Variants in POGZ observed in about 807,000 individuals in gnomAD.
POGZ encodes pogo transposable element with ZNF domain.
Under a neutral mutation model 134.6 loss-of-function variants are expected in POGZ, and 17 were observed. The observed-to-expected ratio is 0.13, with a 90% CI of 0.09 to 0.19. The LOEUF is 0.19. POGZ is among the 10% of genes least tolerant of loss of function. POGZ has a pLI of 1.00. For synonymous variants in POGZ, 693 were observed against 657.1 expected (o/e 1.05, Z -0.84); for missense variants, 1,306 against 1,769.7 (o/e 0.74, Z 4.70).
intron 10 of POGZ, among the ~76,000 whole-genome samples, chr1:151,421,246 T>G (rs976615596): frequency 3.3e-5 from 5 of 152,026 alleles, no homozygotes; most frequent in African/African-American, 1.2e-4. Context: ...TCATGAAGCT[T>G]GCATATTTCT....
In POGZ at chr1:151,404,847, A is replaced by G; in HGVS notation, c.4188T>C (p.Ser1396=). Residue 1396 remains serine, a synonymous_variant, in exon 19 of 19, where the codon TCT becomes TCC. Coordinates refer to ENST00000271715, the MANE Select transcript of POGZ (RefSeq NM_015100.4). ...QLFEGESETE[S]FYGFEEADLD... is the part of the protein sequence containing the mutation. ...GGTCAGCTTCTTCAAAGCCATAGAA[A>G]GACTCGGTCTCACTTTCACCCTCAA... The G allele has an allele frequency of 6.2e-7, 1 of 1,613,812 alleles. No individual in the cohort carries two copies. Among genetic ancestry groups the G allele is most frequent in the Non-Finnish European group, 8.5e-7 (1 of 1,179,840 alleles).
Position 151,456,372 on chromosome 1 carries a change from T to C in POGZ, c.-2+2780A>G, listed in dbSNP as rs576524301. Among the ~76,000 whole-genome samples the C allele has an allele frequency of 7.9e-4, 121 of 152,334 alleles. 2 individuals carry two copies. The highest frequency in any genetic ancestry group is 3.5e-3 in the Admixed American group (53 of 15,302). The stretch of plus-strand genomic sequence containing the variant: ...AATTCTAATTTTCACCCAAATTTTA[T>C]CACTGGTAATAAATACTGTCAGTTG... On this transcript the variant is annotated intron_variant, in intron 1 of 18. Coordinates refer to ENST00000271715, the MANE Select transcript of POGZ (RefSeq NM_015100.4).
chr1:151,436,996 C>T (rs1284370710), intron 3 of POGZ, among the ~76,000 whole-genome samples: 3 of 152,116 alleles, frequency 2.0e-5, no homozygotes, highest in Admixed American at 6.5e-5. Context: ...GAGTTTGAGA[C>T]CAGCCTAGCC....
chr1:151,445,763 C>G (rs1661176883), intron 1 of POGZ, among the ~76,000 whole-genome samples: 1 of 151,942 alleles, frequency 6.6e-6, no homozygotes, highest in Admixed American at 6.6e-5. Context: ...TTGATTTTGA[C>G]CTACACTCTG....
intron 7 of POGZ, chr1:151,425,428 T>C (rs1036913447): frequency 6.3e-6 from 1 of 158,586 alleles, no homozygotes; most frequent in South Asian, 1.8e-4. Context: ...TAAGAATAAT[T>C]TGTATGTGAT....
At chr1:151,413,034 C>T (rs1015311519) in intron 10 of POGZ, among the ~76,000 whole-genome samples, 12 of 151,604 alleles carry the variant, frequency 7.9e-5, no homozygotes, top group African/African-American at 2.7e-4. Context: ...GAACTCCTGA[C>T]CTCAGGTGAT....
intron 1 of POGZ, 37 bp from the exon 2 acceptor site, chr1:151,442,242 G>A: frequency 1.3e-6 from 2 of 1,591,746 alleles, no homozygotes; most frequent in Non-Finnish European, 1.7e-6. Context: ...ATGGGCCTAA[G>A]AATAGGAGAT....
chr1:151,424,148 G>A lies in POGZ; in HGVS notation c.1324C>T (p.Pro442Ser). The change falls in exon 9 of 19, where the codon CCT (proline) becomes TCT (serine). Residue 442 changes from proline (P) to serine (S), a missense_variant. Transcript: ENST00000271715. ...ACTTTGGTAGGCGGTGACAGAGCAGGAATAGGTGTAGAAGAGGGTGTGGAA... is the reference window on the plus strand; with the variant it reads ...ACTTTGGTAGGCGGTGACAGAGCAGAAATAGGTGTAGAAGAGGGTGTGGAA... ...VASTPSSTPI[P>S]ALSPPTKVPE... is the part of the protein sequence containing the mutation. The A allele has an allele frequency of 6.2e-7, 1 of 1,614,176 alleles. No homozygotes were observed. Among genetic ancestry groups the A allele is most frequent in the Non-Finnish European group, 8.5e-7 (1 of 1,180,018 alleles).
intron 15 of POGZ, 76 bp from the exon 16 acceptor site, chr1:151,407,367 C>A (rs910775180): frequency 2.1e-6 from 2 of 969,160 alleles, no homozygotes; most frequent in East Asian, 2.4e-5. Context: ...AGTGACAATG[C>A]CCCCAACAAA....
intron 10 of POGZ, among the ~76,000 whole-genome samples, chr1:151,413,103 CTTTTTTT>C (rs34480197): frequency 5.4e-5 from 5 of 92,858 alleles, no homozygotes; most frequent in East Asian, 3.0e-4. Context: ...CGTGCCTGGG[CTTTTTTT>C]TTTTTTTTTT....
At chr1:151,420,770 G>A (rs1656755682) in intron 10 of POGZ, among the ~76,000 whole-genome samples, 1 of 151,778 alleles carries the variant, frequency 6.6e-6, no homozygotes, top group African/African-American at 2.4e-5. Flanking sequence ...TTTAATGGAG[G>A]AAAAAAGAAT....
intron 1 of POGZ, among the ~76,000 whole-genome samples, chr1:151,449,764 C>T (rs572433303): frequency 3.4e-4 from 51 of 152,038 alleles, no homozygotes; most frequent in African/African-American, 1.1e-3. Flanking sequence ...GGCGTGGTGG[C>T]GGCCGCCTGT....
chr1:151,444,484 G>A (rs1007142828), intron 1 of POGZ, among the ~76,000 whole-genome samples: 6 of 152,054 alleles, frequency 3.9e-5, no homozygotes, highest in African/African-American at 9.7e-5. Context: ...TAATTAATGC[G>A]CAAATATCCA....
intron 1 of POGZ, among the ~76,000 whole-genome samples, chr1:151,453,940 AG>A (rs1662457522): frequency 1.3e-5 from 2 of 152,220 alleles, no homozygotes; most frequent in African/African-American, 4.8e-5. Flanking sequence ...TATACTTTTA[AG>A]GTATTTAATG....
Position 151,424,083 on chromosome 1 carries a change from G to C in POGZ, c.1389C>G (p.Thr463=). The change falls in exon 9 of 19, where the codon ACC becomes ACG. Residue 463 remains threonine, a synonymous_variant. Coordinates refer to ENST00000271715, the MANE Select transcript of POGZ (RefSeq NM_015100.4). ...PNENVGDAVQ[T]KLIMLVDDFY... ...AGTCATCTACAAGCATAATGAGTTTGGTCTGGACGGCATCGCCCACGTTCT... is the reference window on the plus strand; with the variant it reads ...AGTCATCTACAAGCATAATGAGTTTCGTCTGGACGGCATCGCCCACGTTCT... 2.5e-6 allele frequency: 4 copies of C among 1,614,122 alleles called. No homozygotes were observed. The highest frequency in any genetic ancestry group is 3.4e-6 in the Non-Finnish European group (4 of 1,180,002).
At chr1:151,433,933 A>G (rs1421332673) in intron 3 of POGZ, among the ~76,000 whole-genome samples, 1 of 152,158 alleles carries the variant, frequency 6.6e-6, no homozygotes, top group East Asian at 1.9e-4. Context: ...AGTCCCAGCT[A>G]TTTGAGAGGC....
chr1:151,428,211 G>T lies in POGZ; in HGVS notation c.771C>A (p.Thr257=). 1.9e-6 allele frequency: 3 copies of T among 1,614,078 alleles called. No individual in the cohort carries two copies. Among genetic ancestry groups the T allele is most frequent in the Non-Finnish European group, 2.5e-6 (3 of 1,179,980 alleles). ...QQTKSTPSTS[T]TPTATQPTSL... is the part of the protein sequence containing the mutation. ...AGGTTGGCTGTGTGGCAGTGGGAGT[G>T]GTAGAAGTGCTGGGAGTGGACTTGG... Residue 257 remains threonine (T), a synonymous_variant, in exon 6 of 19, where the codon ACC becomes ACA. Coordinates refer to ENST00000271715, the MANE Select transcript of POGZ (RefSeq NM_015100.4).
intron 1 of POGZ, among the ~76,000 whole-genome samples, chr1:151,458,047 T>TA (rs1400587866): frequency 6.6e-6 from 1 of 151,910 alleles, no homozygotes; most frequent in Non-Finnish European, 1.5e-5. Context: ...TGCTGTGAGA[T>TA]AGTCCAACTG....
At chr1:151,408,974 G>A (rs1000706505) in intron 12 of POGZ, 146 bp from the exon 13 acceptor site, 1 of 713,206 alleles carries the variant, frequency 1.4e-6, no homozygotes, top group Admixed American at 2.8e-5. Context: ...AAAGAAATAT[G>A]CAACATGACC....
Sources: gnomAD v4.1 joint callset for allele counts (sites outside exome capture counted in the v4.1 genomes callset) on GRCh38, gnomAD v4.1.1 for gene constraint, MANE v1.5 for transcripts, NCBI Gene and HGNC (gene_info 2026-07-23, HGNC 2026-07-21) for gene names.